Variants in MIPOL1 observed in about 807,000 individuals in gnomAD.
MIPOL1 encodes the protein mirror-image polydactyly 1, also known as mirror-image polydactyly gene 1 protein.
In MIPOL1, 57 loss-of-function variants were observed where a neutral mutation model predicts 60.9. The observed-to-expected ratio is 0.94, with a 90% CI of 0.76 to 1.17. The LOEUF (loss-of-function observed/expected upper bound fraction) is 1.17, where lower values mean the gene tolerates loss of function less well. Among genes scored for constraint, MIPOL1 ranks in the 50% most tolerant of loss-of-function variants. The pLI is 0.00. For missense variants in MIPOL1, 551 were observed against 511.6 expected, an observed-to-expected ratio of 1.08 and a Z score of -0.74; for synonymous variants, 179 against 168.8, an observed-to-expected ratio of 1.06 and a Z score of -0.47.
chr14:37,218,051 G>A (rs76431487), intron 1 of MIPOL1, among the ~76,000 whole-genome samples: 2,471 of 152,082 alleles, frequency 0.016, 56 homozygotes, highest in African/African-American at 0.055. Flanking sequence ...TTTTTAGAAC[G>A]ATGGGTTATT....
intron 9 of MIPOL1, among the ~76,000 whole-genome samples, chr14:37,337,436 T>C (rs961101253): frequency 1.5e-5 from 2 of 137,486 alleles, no homozygotes; most frequent in Non-Finnish European, 1.5e-5. Context: ...TGGTGCAATC[T>C]TGGCTCACTG....
At chr14:37,336,329 A>G (rs1208684135) in intron 9 of MIPOL1, among the ~76,000 whole-genome samples, 1 of 150,468 alleles carries the variant, frequency 6.6e-6, no homozygotes, top group Non-Finnish European at 1.5e-5. Context: ...CGTAATTTTG[A>G]AATTTGGAAG....
At chr14:37,294,223 C>T (rs1314458826) in intron 7 of MIPOL1, among the ~76,000 whole-genome samples, 1 of 152,182 alleles carries the variant, frequency 6.6e-6, no homozygotes, top group East Asian at 1.9e-4. Context: ...CTCCAGTAAA[C>T]TCCAACAGAC....
chr14:37,528,661 T>A (rs1388467762), intron 12 of MIPOL1, among the ~76,000 whole-genome samples: 2 of 152,170 alleles, frequency 1.3e-5, no homozygotes, highest in Admixed American at 1.3e-4. Flanking sequence ...GCAAAAGCCA[T>A]AAAGATATAT....
At chr14:37,496,662 A>G (rs2095135084) in intron 11 of MIPOL1, among the ~76,000 whole-genome samples, 1 of 151,696 alleles carries the variant, frequency 6.6e-6, no homozygotes, top group Non-Finnish European at 1.5e-5. Flanking sequence ...GGATACAAAC[A>G]AATGGAAGAA....
intron 9 of MIPOL1, among the ~76,000 whole-genome samples, chr14:37,364,697 G>A (rs1566442282): frequency 6.6e-6 from 1 of 152,084 alleles, no homozygotes; most frequent in Non-Finnish European, 1.5e-5. Flanking sequence ...GGTAACTTTG[G>A]TTCTTCTGAA....
chr14:37,361,917 C>T (rs966837512), intron 9 of MIPOL1, among the ~76,000 whole-genome samples: 6 of 152,048 alleles, frequency 3.9e-5, no homozygotes, highest in Admixed American at 2.0e-4. Context: ...TCTGTTTTAT[C>T]AGAGACTAGG....
intron 9 of MIPOL1, among the ~76,000 whole-genome samples, chr14:37,313,271 T>G (rs1032329521): frequency 1.3e-5 from 2 of 152,156 alleles, no homozygotes; most frequent in East Asian, 1.9e-4. Flanking sequence ...CTAGCCAGGA[T>G]TGGTGATTTA....
At position 37,299,754 on chromosome 14, in the gene MIPOL1, TAC is replaced by T. The variant is rs556330528; in HGVS notation, c.624-8300_624-8299del. 1.2e-4 allele frequency among the ~76,000 whole-genome samples: 19 copies of T among 152,246 alleles called. No homozygotes were observed. The East Asian group carries it at 3.5e-3, about 28-fold the overall frequency. On this transcript the variant is annotated intron_variant, in intron 7 of 12. Transcript: ENST00000684589. Reference sequence around the variant, plus strand: ...TGTCACGGGGAGAATTCAGTATTGTTACATAACTATTAACTAAACTGTATACT... The same window carrying T: ...TGTCACGGGGAGAATTCAGTATTGTTATAACTATTAACTAAACTGTATACT...
chr14:37,213,563 C>G (rs1967071850), intron 1 of MIPOL1, among the ~76,000 whole-genome samples: 1 of 151,948 alleles, frequency 6.6e-6, no homozygotes, highest in South Asian at 2.1e-4. Context: ...TGAAGCATGC[C>G]TACAGGATCC....
intron 10 of MIPOL1, among the ~76,000 whole-genome samples, chr14:37,383,041 C>T (rs1160832351): frequency 6.6e-6 from 1 of 151,650 alleles, no homozygotes; most frequent in African/African-American, 2.4e-5. Context: ...GAATGTCACC[C>T]TCTTGGAGTT....
At chr14:37,298,799 C>T (rs2086054677) in intron 7 of MIPOL1, among the ~76,000 whole-genome samples, 1 of 151,524 alleles carries the variant, frequency 6.6e-6, no homozygotes, top group Non-Finnish European at 1.5e-5. Flanking sequence ...CAGGAAACAA[C>T]AGGTGCTGGA....
At chr14:37,358,651 G>A (rs1318041793) in intron 9 of MIPOL1, among the ~76,000 whole-genome samples, 1 of 152,106 alleles carries the variant, frequency 6.6e-6, no homozygotes, top group Admixed American at 6.6e-5. Flanking sequence ...AGAAGTGTCT[G>A]TTAATACCCT....
chr14:37,321,634 G>A (rs1012495282), intron 9 of MIPOL1, among the ~76,000 whole-genome samples: 3 of 151,994 alleles, frequency 2.0e-5, no homozygotes, highest in African/African-American at 7.2e-5. Context: ...GTGCATAGAT[G>A]TATTGTTCGT....
chr14:37,210,211 A>G (rs578013899), intron 1 of MIPOL1, among the ~76,000 whole-genome samples: 1 of 151,820 alleles, frequency 6.6e-6, no homozygotes, highest in African/African-American at 2.4e-5. Context: ...CCCCCAATTC[A>G]ATTCTGACAC....
intron 11 of MIPOL1, among the ~76,000 whole-genome samples, chr14:37,481,593 A>G: frequency 6.6e-6 from 1 of 151,018 alleles, no homozygotes; most frequent in South Asian, 2.1e-4. Context: ...ACACACACAC[A>G]CACACACACA....
intron 6 of MIPOL1, chr14:37,277,663 C>T (rs2083781023): frequency 6.6e-6 from 1 of 151,184 alleles, no homozygotes; most frequent in Admixed American, 6.6e-5. Context: ...TGTACTGATG[C>T]TGAGTGTATA....
intron 9 of MIPOL1, among the ~76,000 whole-genome samples, chr14:37,322,042 C>G (rs2088634655): frequency 6.6e-6 from 1 of 151,892 alleles, no homozygotes; most frequent in South Asian, 2.1e-4. Context: ...ATCACATTAT[C>G]TAGGTATTTA....
chr14:37,327,759 A>C (rs1425659493), intron 9 of MIPOL1, among the ~76,000 whole-genome samples: 1 of 152,224 alleles, frequency 6.6e-6, no homozygotes, highest in Non-Finnish European at 1.5e-5. Flanking sequence ...GACAAAAAAT[A>C]ATCCTTTTTA....
Sources: gnomAD v4.1 joint callset for allele counts (sites outside exome capture counted in the v4.1 genomes callset) on GRCh38, gnomAD v4.1.1 for gene constraint, MANE v1.5 for transcripts, NCBI Gene and HGNC (gene_info 2026-07-23, HGNC 2026-07-21) for gene names.